Variants in S100A10 observed in about 807,000 individuals in gnomAD.
S100A10 encodes the protein protein S100-A10.
Under a neutral mutation model 7.1 loss-of-function variants are expected in S100A10, and 3 were observed. The observed-to-expected ratio is 0.42, with a 90% CI of 0.19 to 1.10. S100A10 has a LOEUF of 1.10. Ranked by LOEUF, S100A10 falls within the 50% of genes least tolerant of loss-of-function variation. The pLI is 0.29. For missense variants in S100A10, 101 were observed against 118.1 expected, an observed-to-expected ratio of 0.86 and a Z score of 0.67; for synonymous variants, 41 against 39.3, an observed-to-expected ratio of 1.04 and a Z score of -0.16.
intron 1 of S100A10, among the ~76,000 whole-genome samples, chr1:151,987,420 G>A (rs542419237): frequency 6.6e-6 from 1 of 152,144 alleles, no homozygotes; most frequent in Non-Finnish European, 1.5e-5. Context: ...ACACAGTCAA[G>A]TCTGGTAAAT....
chr1:151,983,462 G>C, intron 2 of S100A10, 138 bp from the exon 3 acceptor site: 1 of 441,820 alleles, frequency 2.3e-6, no homozygotes, highest in Admixed American at 4.3e-5. Flanking sequence ...GCAACCTTTG[G>C]AGTTCATCTA....
chr1:151,986,217 A>C lies in S100A10; in HGVS notation c.14T>G (p.Met5Arg). ...CATCATGGTTTCCATGGCGTGTTCCATTTGAGATGGCATTTTGGTGTGGTC... is the reference window on the plus strand; with the variant it reads ...CATCATGGTTTCCATGGCGTGTTCCCTTTGAGATGGCATTTTGGTGTGGTC... The part of the protein sequence containing the change: MPSQ[M>R]EHAMETMMFT... The change falls in exon 2 of 3, where the codon ATG (methionine) becomes AGG (arginine). Residue 5 changes from methionine (M) to arginine (R), a missense_variant. Physicochemically the swap from Met to Arg is moderately conservative, Grantham distance 91 (BLOSUM62 -1). Coordinates refer to ENST00000368811, the MANE Select transcript of S100A10 (RefSeq NM_002966.3). 6.2e-7 allele frequency: 1 copy of C among 1,603,068 alleles called. No homozygotes were observed. The highest frequency in any genetic ancestry group is 8.5e-7 in the Non-Finnish European group (1 of 1,176,358).
chr1:151,983,195 C>CA lies in S100A10; in HGVS notation c.261dup (p.Val88CysfsTer21). On this transcript the variant is annotated frameshift_variant, in exon 3 of 3. Transcript: ENST00000368811. LOFTEE classifies it high-confidence loss of function. ...TTTCCCTTCTGCTTCATGTGTACTA[C>CA]AAAATAGTCATTGCATGCAATGGTG... 6.3e-7 allele frequency: 1 copy of CA among 1,591,682 alleles called. No homozygotes were observed. Among genetic ancestry groups the CA allele is most frequent in the Non-Finnish European group, 8.5e-7 (1 of 1,173,202 alleles).
intron 2 of S100A10, chr1:151,985,155 A>C (rs768778422): frequency 6.5e-6 from 1 of 152,776 alleles, no homozygotes; most frequent in African/African-American, 2.4e-5. Flanking sequence ...GCAGGACCCA[A>C]CGTTTTACCG....
chr1:151,989,929 G>A (rs1331698788), intron 1 of S100A10, among the ~76,000 whole-genome samples: 1 of 152,184 alleles, frequency 6.6e-6, no homozygotes, highest in East Asian at 1.9e-4. Flanking sequence ...CCCCAATAAC[G>A]TACTCTTGCA....
intron 1 of S100A10, among the ~76,000 whole-genome samples, chr1:151,990,471 C>T (rs1416221127): frequency 6.6e-6 from 1 of 152,252 alleles, no homozygotes; most frequent in African/African-American, 2.4e-5. Context: ...GATGCCTATA[C>T]ATGCCCTCTA....
In S100A10 at chr1:151,986,317, TA is replaced by T. The variant is rs544173333; in HGVS notation, c.-21-67del. ...TTTTGGCAGACTTTATGCATGAATT[TA>T]TTTTTTTTAAATTGAAAGATAAAAT... is the stretch of plus-strand genomic sequence containing the variant. On this transcript the variant is annotated intron_variant, in intron 1 of 2. Transcript: ENST00000368811. The T allele has an allele frequency of 7.5e-5, 84 of 1,122,852 alleles. 1 individual carries two copies. The East Asian group carries it at 1.5e-3, about 20-fold the overall frequency. 69.6% of individuals were successfully genotyped at this position (1,122,852 alleles called of 1,614,324 possible).
At chr1:151,987,250 C>T (rs1655812567) in intron 1 of S100A10, among the ~76,000 whole-genome samples, 1 of 151,928 alleles carries the variant, frequency 6.6e-6, no homozygotes, top group Non-Finnish European at 1.5e-5. Context: ...AGGTGATCCG[C>T]CCACCTCGGC....
chr1:151,988,956 C>T (rs986151310), intron 1 of S100A10, among the ~76,000 whole-genome samples: 2 of 152,176 alleles, frequency 1.3e-5, no homozygotes, highest in African/African-American at 4.8e-5. Flanking sequence ...AAGTTCAGAG[C>T]AGCAGAGCAC....
chr1:151,988,307 T>C (rs920646316), intron 1 of S100A10, among the ~76,000 whole-genome samples: 11 of 152,156 alleles, frequency 7.2e-5, no homozygotes, highest in Non-Finnish European at 1.0e-4. Flanking sequence ...GACTGTAATA[T>C]AGCACTAAAA....
At chr1:151,989,882 T>TG (rs956146507) in intron 1 of S100A10, among the ~76,000 whole-genome samples, 1 of 152,196 alleles carries the variant, frequency 6.6e-6, no homozygotes, top group African/African-American at 2.4e-5. Context: ...AGGAGGGCCT[T>TG]GGGGCTGGGG....
Position 151,993,616 on chromosome 1 carries a change from T to TTCCCCACCAGCCGC in S100A10, c.-22+122_-22+135dup, listed in dbSNP as rs1655957377. The TTCCCCACCAGCCGC allele has an allele frequency of 6.6e-6, 1 of 152,204 alleles. No homozygotes were observed. The highest frequency in any genetic ancestry group is 2.4e-5 in the African/African-American group (1 of 41,412). The allele number at this position is 152,204 out of a possible 1,614,324, so 9.4% of individuals were successfully genotyped here. On this transcript the variant is annotated intron_variant, in intron 1 of 2. Transcript: ENST00000368811. The surrounding 1 kb of genome is among the most constrained non-coding windows in gnomAD (Gnocchi z 5.1). ...GTGGCCCGGAGCACTGAGCAGCGGATTCCCCACCAGCCGCTCCCCGCCCAG... is the reference window on the plus strand; with the variant it reads ...GTGGCCCGGAGCACTGAGCAGCGGATTCCCCACCAGCCGCTCCCCACCAGCCGCTCCCCGCCCAG...
chr1:151,990,873 G>A (rs1655890741), intron 1 of S100A10, among the ~76,000 whole-genome samples: 1 of 152,226 alleles, frequency 6.6e-6, no homozygotes, highest in Non-Finnish European at 1.5e-5. Flanking sequence ...CATAGAGCCT[G>A]CTCGATGAAT....
chr1:151,988,418 G>C (rs554353110), intron 1 of S100A10, among the ~76,000 whole-genome samples: 2 of 152,188 alleles, frequency 1.3e-5, no homozygotes, highest in Non-Finnish European at 2.9e-5. Flanking sequence ...GACATGCTTT[G>C]GTCTGGTTCC....
At chr1:151,985,367 G>T (rs1443028648) in intron 2 of S100A10, 1 of 152,212 alleles carries the variant, frequency 6.6e-6, no homozygotes. Context: ...GTGCCTTGTG[G>T]CCCCATGTCC....
At chr1:151,985,858 A>G (rs925368918) in intron 2 of S100A10, among the ~76,000 whole-genome samples, 1 of 152,194 alleles carries the variant, frequency 6.6e-6, no homozygotes, top group African/African-American at 2.4e-5. Flanking sequence ...AGCTCCTTGA[A>G]GGTTGGGGCT....
intron 1 of S100A10, among the ~76,000 whole-genome samples, chr1:151,987,700 C>T (rs549263620): frequency 1.7e-4 from 26 of 152,094 alleles, no homozygotes; most frequent in East Asian, 5.8e-4. Flanking sequence ...CCACCGCGCC[C>T]GACTAATTTT....
At chr1:151,988,792 C>T (rs1305512249) in intron 1 of S100A10, among the ~76,000 whole-genome samples, 1 of 152,156 alleles carries the variant, frequency 6.6e-6, no homozygotes, top group Non-Finnish European at 1.5e-5. Context: ...TACAGAGAGT[C>T]TGCCTTGCCT....
At chr1:151,990,755 T>C (rs1258690818) in intron 1 of S100A10, among the ~76,000 whole-genome samples, 2 of 152,204 alleles carry the variant, frequency 1.3e-5, no homozygotes, top group African/African-American at 4.8e-5. Flanking sequence ...GCTAATGGAA[T>C]ACTATTAAAG....
Sources: gnomAD v4.1 joint callset for allele counts (sites outside exome capture counted in the v4.1 genomes callset) on GRCh38, gnomAD v4.1.1 for gene constraint, Gnocchi (gnomAD v3.1) non-coding constraint, MANE v1.5 for transcripts, NCBI Gene and HGNC (gene_info 2026-07-23, HGNC 2026-07-21) for gene names.